Variants in CECR2 observed in about 807,000 individuals in gnomAD.
The protein encoded by CECR2 is chromatin remodeling regulator CECR2.
CECR2 carries 30 observed loss-of-function variants against 154.5 expected under a neutral mutation model. The observed-to-expected ratio is 0.19, with a 90% CI of 0.15 to 0.26. CECR2 has a LOEUF of 0.26. Ranked by LOEUF, CECR2 falls within the 10% of genes least tolerant of loss-of-function variation. The pLI is 1.00. For synonymous variants in CECR2, 725 were observed against 683.7 expected (o/e 1.06, Z -0.94); for missense variants, 1,743 against 1,829.3 (o/e 0.95, Z 0.86).
In CECR2 at chr22:17,447,033, C is replaced by CTGGTTTTTTTTTTTTTTTTTTTTT. The variant is rs1339121774; in HGVS notation, c.127-30554_127-30553insGGTTTTTTTTTTTTTTTTTTTTTT. ...GAGTGCTGAGTGGTGCGTTTACAAT[C>CTGGTTTTTTTTTTTTTTTTTTTTT]TTTTTTTTTTTTTTTTTTTGAGACA... On this transcript the variant is annotated intron_variant, in intron 1 of 18. Transcript: ENST00000262608. Among the ~76,000 whole-genome samples, 2 of 114,110 alleles carry CTGGTTTTTTTTTTTTTTTTTTTTT rather than the reference C, an allele frequency of 1.8e-5. 1 individual carries two copies. The highest frequency in any genetic ancestry group is 7.5e-5 in the African/African-American group (2 of 26,652). The allele number at this position is 114,110 out of a possible 152,430, so 74.9% of individuals were successfully genotyped here. A position where few individuals can be genotyped will look rare whatever the true frequency, so the allele number is the denominator to read the frequency against.
At chr22:17,434,252 T>C (rs1308408296) in intron 1 of CECR2, among the ~76,000 whole-genome samples, 2 of 152,210 alleles carry the variant, frequency 1.3e-5, no homozygotes, top group Non-Finnish European at 2.9e-5. Context: ...GAAAGGCCAC[T>C]CACGTTAAGT....
intron 1 of CECR2, among the ~76,000 whole-genome samples, chr22:17,448,670 C>T (rs904479639): frequency 6.6e-6 from 1 of 152,142 alleles, no homozygotes; most frequent in Non-Finnish European, 1.5e-5. Context: ...CCATCCGTTG[C>T]TGTTTTCCTT....
chr22:17,481,541 CTG>C (rs2055318580), intron 2 of CECR2, among the ~76,000 whole-genome samples: 1 of 152,090 alleles, frequency 6.6e-6, no homozygotes. Context: ...AACCAAGTGT[CTG>C]TATCCTTTTC....
At chr22:17,498,267 T>C (rs2055668425) in intron 3 of CECR2, among the ~76,000 whole-genome samples, 2 of 151,974 alleles carry the variant, frequency 1.3e-5, no homozygotes, top group Non-Finnish European at 2.9e-5. Context: ...GGCAGGCGCC[T>C]GTAGTCCCAG....
intron 2 of CECR2, among the ~76,000 whole-genome samples, chr22:17,483,789 T>G (rs999946240): frequency 2.0e-5 from 3 of 152,222 alleles, no homozygotes; most frequent in Admixed American, 6.6e-5. Flanking sequence ...TTTACAGTGA[T>G]GTACAGTCAT....
intron 1 of CECR2, among the ~76,000 whole-genome samples, chr22:17,378,274 C>CA (rs2063143766): frequency 1.4e-5 from 2 of 147,832 alleles, no homozygotes; most frequent in Non-Finnish European, 3.0e-5. Flanking sequence ...TGAGCCACCG[C>CA]GCTGGGCTGT....
At chr22:17,433,642 TTC>T (rs2054460317) in intron 1 of CECR2, among the ~76,000 whole-genome samples, 1 of 152,112 alleles carries the variant, frequency 6.6e-6, no homozygotes, top group African/African-American at 2.4e-5. Flanking sequence ...GACAGGGTTT[TTC>T]TGTGTTCCCC....
In CECR2 at chr22:17,525,285, C is replaced by CAAAAAAAAAAAAAAAAAAAAAAAAAAA. The variant is rs1569142080; in HGVS notation, c.1108+1014_1108+1015insAAAAAAAAAAAAAAAAAAAAAAAAAAA. ...GGGCAACAAGAGTGAAACTCCATCT[C>CAAAAAAAAAAAAAAAAAAAAAAAAAAA]CAAAAAAAAAAAAAAAAAAAAAAAA... On this transcript the variant is annotated intron_variant, in intron 9 of 18. Coordinates refer to ENST00000262608, the MANE Select transcript of CECR2 (RefSeq NM_001290047.2). 1.2e-4 allele frequency among the ~76,000 whole-genome samples: 4 copies of CAAAAAAAAAAAAAAAAAAAAAAAAAAA among 32,322 alleles called. 2 individuals are homozygous for CAAAAAAAAAAAAAAAAAAAAAAAAAAA. Among genetic ancestry groups the CAAAAAAAAAAAAAAAAAAAAAAAAAAA allele is most frequent in the Admixed American group, 1.1e-3 (2 of 1,800 alleles). The allele number at this position is 32,322 out of a possible 152,430, so 21.2% of individuals were successfully genotyped here. A position where few individuals can be genotyped will look rare whatever the true frequency, so the allele number is the denominator to read the frequency against.
At chr22:17,512,488 T>G (rs1286460292) in intron 8 of CECR2, among the ~76,000 whole-genome samples, 1 of 151,942 alleles carries the variant, frequency 6.6e-6, no homozygotes, top group African/African-American at 2.4e-5. Flanking sequence ...GGATTTCTTG[T>G]ACTCACGAGT....
At chr22:17,430,509 C>G (rs1379425090) in intron 1 of CECR2, among the ~76,000 whole-genome samples, 1 of 152,178 alleles carries the variant, frequency 6.6e-6, no homozygotes, top group Non-Finnish European at 1.5e-5. Context: ...CACCTCCACT[C>G]CCACCACACA....
At chr22:17,411,814 T>A (rs1008203010) in intron 1 of CECR2, among the ~76,000 whole-genome samples, 1 of 152,230 alleles carries the variant, frequency 6.6e-6, no homozygotes, top group Non-Finnish European at 1.5e-5. Context: ...TATGTATATA[T>A]ACAGATACAT....
chr22:17,389,959 A>T (rs2063309257), intron 1 of CECR2, among the ~76,000 whole-genome samples: 1 of 152,226 alleles, frequency 6.6e-6, no homozygotes, highest in South Asian at 2.1e-4. Context: ...AAGTACAATT[A>T]TTAAAATCAG....
Position 17,412,692 on chromosome 22 carries a change from C to T in CECR2, c.126+42783C>T, listed in dbSNP as rs1442197504. Reference sequence around the variant, plus strand: ...GGAGGCTGAGGAAACTGTCCCTCAGCCTGCCTGGAAAGCTCTTTGAAGCCA... The same window carrying T: ...GGAGGCTGAGGAAACTGTCCCTCAGTCTGCCTGGAAAGCTCTTTGAAGCCA... On this transcript the variant is annotated intron_variant, in intron 1 of 18. Transcript: ENST00000262608. 2.0e-5 allele frequency among the ~76,000 whole-genome samples: 3 copies of T among 152,128 alleles called. No homozygotes were observed. The East Asian group carries it at 5.8e-4, about 29-fold the overall frequency.
intron 3 of CECR2, among the ~76,000 whole-genome samples, chr22:17,498,770 T>G (rs1012383523): frequency 5.0e-5 from 3 of 60,000 alleles, no homozygotes; most frequent in African/African-American, 2.1e-4. Context: ...TTTTCGTGTG[T>G]GCTCACATAA....
intron 1 of CECR2, among the ~76,000 whole-genome samples, chr22:17,452,254 G>A (rs75130826): frequency 1.3e-5 from 2 of 152,064 alleles, no homozygotes; most frequent in Non-Finnish European, 2.9e-5. Context: ...TGTATTTTTC[G>A]TAGAGACAGG....
rs558762112 is a variant in CECR2, at chr22:17,541,740, T to C, written c.1885-99T>C. The C allele has an allele frequency of 2.4e-4, 339 of 1,428,882 alleles. 6 individuals are homozygous for C. In the South Asian group the frequency reaches 4.3e-3, roughly 18 times the overall value. The allele number at this position is 1,428,882 out of a possible 1,614,324, so 88.5% of individuals were successfully genotyped here. A position where few individuals can be genotyped will look rare whatever the true frequency, so the allele number is the denominator to read the frequency against. The stretch of plus-strand genomic sequence containing the variant: ...CCAGCCGAGGTTTAGTCGTCTGTTT[T>C]ATTTTAGTAGAACGTTCATCTTCAG... On this transcript the variant is annotated intron_variant, in intron 14 of 18. Coordinates refer to ENST00000262608, the MANE Select transcript of CECR2 (RefSeq NM_001290047.2).
At chr22:17,552,787 T>TTTTTTTTTTTTTTTTTTAA in intron 18 of CECR2, 48 bp from the exon 19 acceptor site, 1 of 1,391,198 alleles carries the variant, frequency 7.2e-7, no homozygotes, top group Non-Finnish European at 9.7e-7. Flanking sequence ...TTTTTTTTTT[T>TTTTTTTTTTTTTTTTTTAA]AACAACCCAA....
chr22:17,523,377 T>C (rs867289268), intron 8 of CECR2, among the ~76,000 whole-genome samples: 2 of 146,734 alleles, frequency 1.4e-5, no homozygotes, highest in Middle Eastern at 6.8e-3. Flanking sequence ...AGATTCCATC[T>C]CAAAAAAAAA....
Position 17,396,352 on chromosome 22 carries a change from C to T in CECR2, c.126+26443C>T, listed in dbSNP as rs982707257. On this transcript the variant is annotated intron_variant, in intron 1 of 18. Coordinates refer to ENST00000262608, the MANE Select transcript of CECR2 (RefSeq NM_001290047.2). ...CTGAGTTCAGGAGTTTGAGACCAGC[C>T]TGGCCAATGTGGCAAAACCCCGTCT... Among the ~76,000 whole-genome samples the T allele has an allele frequency of 3.9e-5, 6 of 152,118 alleles. No homozygotes were observed. The East Asian group carries it at 5.8e-4, about 15-fold the overall frequency.
Sources: allele counts gnomAD v4.1 joint callset (sites outside exome capture counted in the v4.1 genomes callset), GRCh38; gene constraint gnomAD v4.1.1; transcripts MANE v1.5; gene names NCBI Gene and HGNC (gene_info 2026-07-23, HGNC 2026-07-21).